Variants in CADM2 observed in about 807,000 individuals in gnomAD.
CADM2 encodes the protein cell adhesion molecule 2.
A neutral mutation model predicts 49.8 loss-of-function variants in CADM2; 12 were observed. The observed-to-expected ratio is 0.24, with a 90% CI of 0.15 to 0.39. The LOEUF (loss-of-function observed/expected upper bound fraction) is 0.39, where lower values mean the gene tolerates loss of function less well. Ranked by LOEUF, CADM2 falls within the 10% of genes least tolerant of loss-of-function variation. The pLI, the probability that CADM2 is intolerant of heterozygous loss-of-function variation, is 1.00. For missense variants in CADM2, 378 were observed against 492.3 expected (o/e 0.77, Z 2.20); for synonymous variants, 214 against 175.4 (o/e 1.22, Z -1.74).
intron 1 of CADM2, among the ~76,000 whole-genome samples, chr3:85,567,405 G>C (rs914587851): frequency 3.3e-5 from 5 of 152,126 alleles, no homozygotes; most frequent in Admixed American, 3.3e-4. Context: ...CATGCATTTT[G>C]ATACCAACCT....
intron 1 of CADM2, among the ~76,000 whole-genome samples, chr3:85,157,900 G>C (rs1310079575): frequency 2.0e-5 from 3 of 152,094 alleles, no homozygotes; most frequent in African/African-American, 7.2e-5. Context: ...AGAGTGAACA[G>C]GCAACCTACA....
intron 1 of CADM2, among the ~76,000 whole-genome samples, chr3:85,554,618 C>T (rs1217350013): frequency 1.3e-5 from 2 of 152,108 alleles, no homozygotes; most frequent in African/African-American, 2.4e-5. Flanking sequence ...AAAGGGCATA[C>T]GTAAGTTTTT....
intron 1 of CADM2, among the ~76,000 whole-genome samples, chr3:85,156,158 C>A (rs2040112081): frequency 6.6e-6 from 1 of 151,128 alleles, no homozygotes; most frequent in Non-Finnish European, 1.5e-5. Context: ...ACACAAAAAG[C>A]CCTTCAAAAA....
At chr3:85,035,263 G>A (rs1177878798) in intron 1 of CADM2, among the ~76,000 whole-genome samples, 5 of 151,932 alleles carry the variant, frequency 3.3e-5, no homozygotes, top group Non-Finnish European at 7.4e-5. Context: ...TTTTAAATCC[G>A]ATTATTAGAT....
intron 1 of CADM2, among the ~76,000 whole-genome samples, chr3:85,650,407 A>G (rs570012995): frequency 1.3e-5 from 2 of 152,128 alleles, no homozygotes; most frequent in South Asian, 4.2e-4. Context: ...TAAATGAAAA[A>G]TTAGTTTCAA....
chr3:85,431,623 G>A (rs1419225354), intron 1 of CADM2, among the ~76,000 whole-genome samples: 1 of 151,268 alleles, frequency 6.6e-6, no homozygotes, highest in African/African-American at 2.4e-5. Flanking sequence ...TGAGGAGAAG[G>A]AAGGATTTAT....
intron 1 of CADM2, among the ~76,000 whole-genome samples, chr3:85,333,365 T>A (rs1395294177): frequency 6.6e-6 from 1 of 151,742 alleles, no homozygotes; most frequent in African/African-American, 2.4e-5. Flanking sequence ...AGAAAAAAAA[T>A]GTTAGATAAG....
At chr3:85,547,462 AT>A in intron 1 of CADM2, among the ~76,000 whole-genome samples, 1 of 150,300 alleles carries the variant, frequency 6.7e-6, no homozygotes, top group Middle Eastern at 3.4e-3. Flanking sequence ...GACTTGCATT[AT>A]TTTTTGTCAT....
intron 1 of CADM2, among the ~76,000 whole-genome samples, chr3:85,278,327 A>G (rs1479285472): frequency 1.3e-5 from 2 of 151,416 alleles, no homozygotes; most frequent in Non-Finnish European, 3.0e-5. Context: ...GCTCTTTTAA[A>G]TAATCGTTAC....
At chr3:85,901,843 C>T (rs1444905683) in intron 5 of CADM2, among the ~76,000 whole-genome samples, 1 of 152,140 alleles carries the variant, frequency 6.6e-6, no homozygotes, top group African/African-American at 2.4e-5. Flanking sequence ...AATCTACTTT[C>T]TGTCTGTATA....
At chr3:85,353,693 T>G (rs2107247881) in intron 1 of CADM2, among the ~76,000 whole-genome samples, 1 of 152,058 alleles carries the variant, frequency 6.6e-6, no homozygotes, top group Non-Finnish European at 1.5e-5. Flanking sequence ...TGCATGTCAA[T>G]AATAAAAGTA....
intron 1 of CADM2, among the ~76,000 whole-genome samples, chr3:85,545,035 A>G (rs1192917748): frequency 6.6e-6 from 1 of 152,034 alleles, no homozygotes; most frequent in Non-Finnish European, 1.5e-5. Context: ...CTGTCCTTGC[A>G]CTTTGGTTTT....
intron 1 of CADM2, among the ~76,000 whole-genome samples, chr3:85,517,128 AT>A (rs1400211261): frequency 1.3e-5 from 2 of 151,976 alleles, no homozygotes; most frequent in African/African-American, 4.8e-5. Flanking sequence ...TGGATCTATA[AT>A]AACCTAGTCT....
intron 2 of CADM2, among the ~76,000 whole-genome samples, chr3:85,761,368 T>A (rs140618294): frequency 0.032 from 3,236 of 101,550 alleles, 78 homozygotes; most frequent in Non-Finnish European, 0.038. Context: ...AACACAAAAC[T>A]TTTTTTTTTT....
chr3:86,060,146 C>G (rs1738446060), intron 8 of CADM2, among the ~76,000 whole-genome samples: 1 of 151,124 alleles, frequency 6.6e-6, no homozygotes, highest in Non-Finnish European at 1.5e-5. Flanking sequence ...GTATCTGAAA[C>G]AAACTGAAAA....
rs200861166 is a variant in CADM2, at chr3:85,641,201, T to TA, written c.62-85312dup. ...TGTTGGTTCTTCATCTTTTCTTAGC[T>TA]AAAAAAAAACTAGTGATAGAAGTAT... On this transcript the variant is annotated intron_variant, in intron 1 of 9. Transcript: ENST00000383699. 6.5e-3 allele frequency among the ~76,000 whole-genome samples: 988 copies of TA among 151,482 alleles called. 2 individuals carry two copies. Among genetic ancestry groups the TA allele is most frequent in the African/African-American group, 0.021 (883 of 41,354 alleles).
At chr3:85,718,284 T>C (rs2067370250) in intron 1 of CADM2, among the ~76,000 whole-genome samples, 1 of 152,218 alleles carries the variant, frequency 6.6e-6, no homozygotes, top group African/African-American at 2.4e-5. Context: ...AAATAGCTTT[T>C]TGGTTTAGTA....
chr3:85,501,116 A>G (rs2040099709), intron 1 of CADM2, among the ~76,000 whole-genome samples: 1 of 152,228 alleles, frequency 6.6e-6, no homozygotes, highest in Non-Finnish European at 1.5e-5. Context: ...AAGTACTCAT[A>G]TAATGATTTC....
chr3:84,970,960 A>C (rs1225802659), intron 1 of CADM2, among the ~76,000 whole-genome samples: 3 of 152,032 alleles, frequency 2.0e-5, no homozygotes, highest in African/African-American at 4.8e-5. Flanking sequence ...TATGTTACTG[A>C]ATTTATTCAT....
Sources: gnomAD v4.1 joint callset for allele counts (sites outside exome capture counted in the v4.1 genomes callset) on GRCh38, gnomAD v4.1.1 for gene constraint, MANE v1.5 for transcripts, NCBI Gene and HGNC (gene_info 2026-07-23, HGNC 2026-07-21) for gene names.